Variants in PAX7 observed in about 807,000 individuals in gnomAD.
PAX7 encodes paired box 7.
PAX7 carries 18 observed loss-of-function variants against 50.7 expected under a neutral mutation model. That is an observed-to-expected ratio of 0.36 (90% CI 0.25 to 0.53). The LOEUF is 0.53. PAX7 is among the 20% of genes least tolerant of loss of function. The pLI, the probability that PAX7 is intolerant of heterozygous loss-of-function variation, is 0.93. For synonymous variants in PAX7, 310 were observed against 290.4 expected (o/e 1.07, Z -0.69); for missense variants, 644 against 702.9 (o/e 0.92, Z 0.95).
At chr1:18,740,455 T>C (rs1161520747) in intron 8 of PAX7, among the ~76,000 whole-genome samples, 2 of 152,196 alleles carry the variant, frequency 1.3e-5, no homozygotes, top group Non-Finnish European at 2.9e-5. Flanking sequence ...TGCATGTGAC[T>C]CTGGGCCAGC....
intron 4 of PAX7, among the ~76,000 whole-genome samples, chr1:18,674,487 C>T (rs1347524508): frequency 1.3e-5 from 2 of 151,826 alleles, no homozygotes; most frequent in Middle Eastern, 3.2e-3. Context: ...AGTTCAGAGC[C>T]CGGAGCAGGC....
At chr1:18,725,115 C>T (rs2089542002) in intron 7 of PAX7, among the ~76,000 whole-genome samples, 1 of 152,194 alleles carries the variant, frequency 6.6e-6, no homozygotes, top group Non-Finnish European at 1.5e-5. Flanking sequence ...TTAATTCATT[C>T]CACTGAAGGG....
chr1:18,643,736 C>T (rs2088294879), intron 4 of PAX7, among the ~76,000 whole-genome samples: 1 of 152,254 alleles, frequency 6.6e-6, no homozygotes, highest in South Asian at 2.1e-4. Flanking sequence ...CTTTCGGTGA[C>T]ATCCGCACAA....
chr1:18,646,596 C>A (rs1045411918), intron 4 of PAX7, among the ~76,000 whole-genome samples: 9 of 152,146 alleles, frequency 5.9e-5, no homozygotes, highest in Non-Finnish European at 1.3e-4. Context: ...CGGGGCGCCC[C>A]CTCCCCGCCG....
chr1:18,704,524 G>A (rs2089260318), intron 7 of PAX7, among the ~76,000 whole-genome samples: 1 of 152,088 alleles, frequency 6.6e-6, no homozygotes, highest in Admixed American at 6.6e-5. Context: ...GGAGGCTGAG[G>A]CGAGAGAATC....
intron 4 of PAX7, among the ~76,000 whole-genome samples, chr1:18,644,191 C>A (rs1438079980): frequency 6.6e-6 from 1 of 152,216 alleles, no homozygotes; most frequent in Non-Finnish European, 1.5e-5. Context: ...TCGCACCCAC[C>A]AGCCCCCCGC....
Position 18,634,748 on chromosome 1 carries a change from G to A in PAX7, c.321+210G>A, listed in dbSNP as rs1369526743. Among the ~76,000 whole-genome samples the A allele has an allele frequency of 1.3e-5, 2 of 152,190 alleles. No individual in the cohort carries two copies. Among genetic ancestry groups the A allele is most frequent in the Non-Finnish European group, 2.9e-5 (2 of 68,048 alleles). On this transcript the variant is annotated intron_variant, in intron 2 of 8. Coordinates refer to ENST00000420770, the MANE Select transcript of PAX7 (RefSeq NM_001135254.2). This position sits in a 1 kb window ranked among gnomAD's most constrained non-coding sequence, Gnocchi z 4.0. ...AGGTCTAGGTTGTGCAAGACCTTGAGGCCAATGAGCCATTCCTGGACTGTC... is the reference window on the plus strand; with the variant it reads ...AGGTCTAGGTTGTGCAAGACCTTGAAGCCAATGAGCCATTCCTGGACTGTC...
intron 7 of PAX7, among the ~76,000 whole-genome samples, chr1:18,707,446 G>A (rs1182647828): frequency 7.8e-5 from 7 of 90,072 alleles, no homozygotes; most frequent in Non-Finnish European, 1.5e-4. Context: ...TTGAGATAGG[G>A]TTTCACTCTG....
chr1:18,726,980 G>A lies in PAX7; in HGVS notation c.1156-8652G>A, dbSNP rs2089579682. Reference sequence around the variant, plus strand: ...GCTTCAGCCTGTACTCTGGGTTGGGGCACACAGGATCTGTGCCCTATACAT... The same window carrying A: ...GCTTCAGCCTGTACTCTGGGTTGGGACACACAGGATCTGTGCCCTATACAT... On this transcript the variant is annotated intron_variant, in intron 7 of 8. Transcript: ENST00000420770. This position sits in a 1 kb window ranked among gnomAD's most constrained non-coding sequence, Gnocchi z 4.8. 6.6e-6 allele frequency among the ~76,000 whole-genome samples: 1 copy of A among 152,198 alleles called. No individual in the cohort carries two copies. Among genetic ancestry groups the A allele is most frequent in the South Asian group, 2.1e-4 (1 of 4,826 alleles).
intron 1 of PAX7, 68 bp downstream of exon 1, chr1:18,631,756 C>A: frequency 7.6e-7 from 1 of 1,312,444 alleles, no homozygotes; most frequent in Non-Finnish European, 1.1e-6. Flanking sequence ...GGAGAGGCTG[C>A]GGTCTCCAGG....
chr1:18,684,504 C>T (rs1443550149), intron 4 of PAX7, among the ~76,000 whole-genome samples: 1 of 152,232 alleles, frequency 6.6e-6, no homozygotes, highest in Non-Finnish European at 1.5e-5. Context: ...CAGCCACGCC[C>T]GAGCCCCGTA....
In PAX7 at chr1:18,696,703, T is replaced by C. The variant is rs187847518; in HGVS notation, c.787-3950T>C. ...TTGTGAGAGCTAAAAATTAAGGCAA[T>C]TGAGCTCATGGAGATAGAGAGTAGA... On this transcript the variant is annotated intron_variant, in intron 5 of 8. Transcript: ENST00000420770. 7.2e-5 allele frequency among the ~76,000 whole-genome samples: 11 copies of C among 152,044 alleles called. No individual in the cohort carries two copies. In the East Asian group the frequency reaches 2.1e-3, roughly 29 times the overall value.
At chr1:18,696,365 C>G (rs61007518) in intron 5 of PAX7, among the ~76,000 whole-genome samples, 8,638 of 152,178 alleles carry the variant, frequency 0.057, 420 homozygotes, top group East Asian at 0.25. Context: ...CTGCACCCAG[C>G]CTTCATGGTG....
intron 8 of PAX7, among the ~76,000 whole-genome samples, chr1:18,740,795 C>T (rs1931090123): frequency 6.6e-6 from 1 of 152,182 alleles, no homozygotes; most frequent in African/African-American, 2.4e-5. Context: ...TGTATCTACC[C>T]AGTGGAATAC....
intron 7 of PAX7, among the ~76,000 whole-genome samples, chr1:18,706,195 G>T (rs1207644663): frequency 1.3e-5 from 2 of 152,178 alleles, no homozygotes; most frequent in Non-Finnish European, 1.5e-5. Flanking sequence ...CCTGGGAGGT[G>T]TGGGGCCAGG....
In PAX7 at chr1:18,636,277, C is replaced by G. The variant is rs748525982; in HGVS notation, c.492C>G (p.Phe164Leu). ...SSISRVLRIK[F>L]GKKEEEDEAD... is the part of the protein sequence containing the mutation. ...TTAGCCGCGTGCTCAGAATCAAGTTCGGGAAGAAAGAGGAGGAGGATGAAG... is the reference window on the plus strand; with the variant it reads ...TTAGCCGCGTGCTCAGAATCAAGTTGGGGAAGAAAGAGGAGGAGGATGAAG... The change falls in exon 4 of 9, where the codon TTC (phenylalanine) becomes TTG (leucine). Residue 164 changes from phenylalanine to leucine, a missense_variant. Phe to Leu is a conservative substitution (Grantham distance 22). Transcript: ENST00000420770. This position sits in a 1 kb window ranked among gnomAD's most constrained non-coding sequence, Gnocchi z 5.1. 13 of 1,613,926 alleles carry G rather than the reference C, an allele frequency of 8.1e-6. No individual in the cohort carries two copies. Among genetic ancestry groups the G allele is most frequent in the Non-Finnish European group, 1.1e-5 (13 of 1,179,968 alleles).
At chr1:18,646,608 C>G (rs1400361703) in intron 4 of PAX7, among the ~76,000 whole-genome samples, 1 of 152,172 alleles carries the variant, frequency 6.6e-6, no homozygotes, top group Non-Finnish European at 1.5e-5. Context: ...TCCCCGCCGC[C>G]CTCTCGGCAC....
intron 4 of PAX7, among the ~76,000 whole-genome samples, chr1:18,664,819 T>A: frequency 6.6e-6 from 1 of 152,090 alleles, no homozygotes; most frequent in East Asian, 1.9e-4. Context: ...GCTGGCCTCC[T>A]GGGCATATGA....
In PAX7 at chr1:18,653,386, T is replaced by C. The variant is rs181678516; in HGVS notation, c.586+17015T>C. ...TTGTTGTTGTTGCAACGGTGCTGTG[T>C]ACGCACGGTTACAGTGGATCAAATT... On this transcript the variant is annotated intron_variant, in intron 4 of 8. Coordinates refer to ENST00000420770, the MANE Select transcript of PAX7 (RefSeq NM_001135254.2). Among the ~76,000 whole-genome samples the C allele has an allele frequency of 1.5e-3, 231 of 152,284 alleles. 1 individual carries two copies. The highest frequency in any genetic ancestry group is 0.01 in the South Asian group (50 of 4,830).
Sources: gnomAD v4.1 joint callset for allele counts (sites outside exome capture counted in the v4.1 genomes callset) on GRCh38, gnomAD v4.1.1 for gene constraint, Gnocchi (gnomAD v3.1) non-coding constraint, MANE v1.5 for transcripts, NCBI Gene and HGNC (gene_info 2026-07-23, HGNC 2026-07-21) for gene names.